SEL1L: variants seen among roughly 807,000 people sequenced by gnomAD.
SEL1L encodes the protein SEL1L adaptor subunit of SYVN1 ubiquitin ligase, also known as protein sel-1 homolog 1.
A neutral mutation model predicts 109.8 loss-of-function variants in SEL1L; 52 were observed. The ratio of observed to expected loss-of-function variants is 0.47; its 90% confidence interval spans 0.38 to 0.60. The LOEUF (loss-of-function observed/expected upper bound fraction) is 0.60, where lower values mean the gene tolerates loss of function less well. Ranked by LOEUF, SEL1L falls within the 20% of genes least tolerant of loss-of-function variation. The probability of loss-of-function intolerance (pLI) is 0.00; values close to 1 mark genes in which losing one functional copy is unlikely to be tolerated. For missense variants in SEL1L, 749 were observed against 962.2 expected (o/e 0.78, Z 2.93); for synonymous variants, 373 against 339.6 (o/e 1.10, Z -1.08).
chr14:81,496,684 G>A (rs946874242), intron 10 of SEL1L, among the ~76,000 whole-genome samples: 2 of 152,114 alleles, frequency 1.3e-5, no homozygotes, highest in East Asian at 1.9e-4. Flanking sequence ...AGGTTGCAGC[G>A]AGCTGAGATA....
At chr14:81,525,886 A>G (rs1257567293) in intron 3 of SEL1L, among the ~76,000 whole-genome samples, 1 of 152,206 alleles carries the variant, frequency 6.6e-6, no homozygotes, top group Admixed American at 6.5e-5. Flanking sequence ...CTACTGATAC[A>G]CCTAAAAAAA....
At chr14:81,521,422 A>C (rs977141011) in intron 3 of SEL1L, among the ~76,000 whole-genome samples, 12 of 152,252 alleles carry the variant, frequency 7.9e-5, no homozygotes, top group African/African-American at 2.9e-4. Context: ...CAATGGCCAA[A>C]AAAGGAAAAT....
At chr14:81,533,215 T>C (rs1159652860) in intron 1 of SEL1L, among the ~76,000 whole-genome samples, 1 of 152,158 alleles carries the variant, frequency 6.6e-6, no homozygotes, top group African/African-American at 2.4e-5. Flanking sequence ...ATCTCAGGTG[T>C]TAAGCAAACT....
intron 6 of SEL1L, among the ~76,000 whole-genome samples, chr14:81,500,975 T>C (rs958692178): frequency 5.9e-5 from 9 of 152,216 alleles, no homozygotes; most frequent in Non-Finnish European, 8.8e-5. Context: ...TGGCAGAGAC[T>C]GGAGTGCTCA....
chr14:81,502,960 G>T, intron 5 of SEL1L, 77 bp from the exon 6 acceptor site: 4 of 1,147,494 alleles, frequency 3.5e-6, no homozygotes, highest in Non-Finnish European at 4.9e-6. Flanking sequence ...CTACTAAAAC[G>T]CAACATAAAT....
rs1007501982 is a variant in SEL1L at position 81,475,241 on chromosome 14, G to T, written c.*1731C>A. On this transcript the variant is annotated 3_prime_UTR_variant, in exon 21 of 21. Coordinates refer to ENST00000336735, the MANE Select transcript of SEL1L (RefSeq NM_005065.6). ...TAAAGCAACATTACACTTAGGGGGG[G>T]TAAGTTTCCTACCTTTCACAGATAC... is the stretch of plus-strand genomic sequence containing the variant. 2 of 152,280 alleles carry T rather than the reference G, an allele frequency of 1.3e-5. No individual in the cohort carries two copies. The highest frequency in any genetic ancestry group is 2.4e-5 in the African/African-American group (1 of 41,412). The allele number at this position is 152,280 out of a possible 1,614,324, so 9.4% of individuals were successfully genotyped here. A position where few individuals can be genotyped will look rare whatever the true frequency, so the allele number is the denominator to read the frequency against.
chr14:81,526,842 G>A lies in SEL1L; in HGVS notation c.231C>T (p.Asp77=). The change falls in exon 3 of 21, where the codon GAC becomes GAT. Residue 77 remains aspartate (D), a synonymous_variant. Transcript: ENST00000336735. ...ELESSIQEEE[D]SLKSQEGESV... ...TTTCCCCCTCTTGGCTCTTGAGGCTGTCTTCCTCTTCTTGAATAGAGGATT... is the reference window on the plus strand; with the variant it reads ...TTTCCCCCTCTTGGCTCTTGAGGCTATCTTCCTCTTCTTGAATAGAGGATT... 1 of 1,603,490 alleles carries A rather than the reference G, an allele frequency of 6.2e-7. No individual in the cohort carries two copies. Among genetic ancestry groups the A allele is most frequent in the Non-Finnish European group, 8.5e-7 (1 of 1,176,564 alleles).
chr14:81,476,634 C>T lies in SEL1L; in HGVS notation c.*338G>A, dbSNP rs1595498555. ...ATGGTTGACATTAAGAACTTATGCA[C>T]ACTGAAATAATGACCAAAAGGATCC... On this transcript the variant is annotated 3_prime_UTR_variant, in exon 21 of 21. Coordinates refer to ENST00000336735, the MANE Select transcript of SEL1L (RefSeq NM_005065.6). 1.3e-5 allele frequency: 3 copies of T among 233,812 alleles called. No individual in the cohort carries two copies. In the East Asian group the frequency reaches 2.4e-4, roughly 19 times the overall value. 14.5% of individuals were successfully genotyped at this position (233,812 alleles called of 1,614,324 possible). A position where few individuals can be genotyped will look rare whatever the true frequency, so the allele number is the denominator to read the frequency against.
intron 20 of SEL1L, among the ~76,000 whole-genome samples, chr14:81,477,626 A>G (rs932046742): frequency 1.1e-4 from 16 of 152,266 alleles, no homozygotes; most frequent in Non-Finnish European, 2.4e-4. Flanking sequence ...CAGCCTGGCC[A>G]ACACGGTGAA....
At chr14:81,511,076 A>G (rs1884458909) in intron 3 of SEL1L, among the ~76,000 whole-genome samples, 1 of 152,244 alleles carries the variant, frequency 6.6e-6, no homozygotes, top group Non-Finnish European at 1.5e-5. Context: ...GAAAATACCA[A>G]TGGTATGTAA....
chr14:81,481,524 G>A (rs1903355316), intron 19 of SEL1L, among the ~76,000 whole-genome samples: 1 of 152,124 alleles, frequency 6.6e-6, no homozygotes, highest in African/African-American at 2.4e-5. Context: ...AACTTCATGT[G>A]ATTCATACAT....
At chr14:81,495,207 A>T (rs1437543983) in intron 10 of SEL1L, 70 bp from the exon 11 acceptor site, 1 of 1,390,100 alleles carries the variant, frequency 7.2e-7, no homozygotes, top group African/African-American at 1.4e-5. Flanking sequence ...CAGACCAACA[A>T]GAAATGATTT....
rs186808232 is a variant in SEL1L, at chr14:81,491,453, A to G, written c.1255-988T>C. Among the ~76,000 whole-genome samples the G allele has an allele frequency of 2.0e-5, 3 of 152,354 alleles. No homozygotes were observed. The East Asian group carries it at 5.8e-4, about 29-fold the overall frequency. ...CAGAGCAAGAACCAAAAGAGGAGGAATGAAACGTTCTTAAATGCTTAACAA... is the reference window on the plus strand; with the variant it reads ...CAGAGCAAGAACCAAAAGAGGAGGAGTGAAACGTTCTTAAATGCTTAACAA... On this transcript the variant is annotated intron_variant, in intron 12 of 20. Coordinates refer to ENST00000336735, the MANE Select transcript of SEL1L (RefSeq NM_005065.6).
intron 3 of SEL1L, among the ~76,000 whole-genome samples, chr14:81,507,360 T>C (rs1884280821): frequency 6.6e-6 from 1 of 152,054 alleles, no homozygotes; most frequent in Admixed American, 6.6e-5. Flanking sequence ...GGGAATGGAA[T>C]GGAAGATGTG....
chr14:81,513,352 T>C (rs1050054060), intron 3 of SEL1L, among the ~76,000 whole-genome samples: 1 of 152,152 alleles, frequency 6.6e-6, no homozygotes, highest in Non-Finnish European at 1.5e-5. Flanking sequence ...TGCTCACTCT[T>C]TGGGTCCGCA....
chr14:81,492,469 A>C lies in SEL1L; in HGVS notation c.1254+11T>G. On this transcript the variant is annotated intron_variant, in intron 12 of 20. Coordinates refer to ENST00000336735, the MANE Select transcript of SEL1L (RefSeq NM_005065.6). ...TGCTATTACATAAAACATTCACAGG[A>C]TGTACAGTACCTTTCCCAAAAAGGC... The C allele has an allele frequency of 6.3e-7, 1 of 1,599,364 alleles. No individual in the cohort carries two copies. Among genetic ancestry groups the C allele is most frequent in the Non-Finnish European group, 8.6e-7 (1 of 1,167,846 alleles).
At chr14:81,526,407 G>A (rs1417948416) in intron 3 of SEL1L, among the ~76,000 whole-genome samples, 1 of 152,064 alleles carries the variant, frequency 6.6e-6, no homozygotes, top group Non-Finnish European at 1.5e-5. Context: ...TTTCTGTTTT[G>A]TATGCTACCC....
At chr14:81,495,240 A>G (rs967842468) in intron 10 of SEL1L, 103 bp from the exon 11 acceptor site, 16 of 1,000,960 alleles carry the variant, frequency 1.6e-5, no homozygotes, top group Non-Finnish European at 2.5e-5. Context: ...GCTTCTGTTC[A>G]TGACTCAAAA....
Position 81,489,142 on chromosome 14 carries a change from CTT to C in SEL1L, c.1395+108_1395+109del, listed in dbSNP as rs1595507335. 13 of 915,590 alleles carry C rather than the reference CTT, an allele frequency of 1.4e-5. No homozygotes were observed. In the East Asian group the frequency reaches 3.1e-4, roughly 22 times the overall value. The allele number at this position is 915,590 out of a possible 1,614,324, so 56.7% of individuals were successfully genotyped here. ...GACAACAGAAAGAGGTTCAGCTTTGCTTACAATGGAACAGCCCCACCTGGGCT... is the reference window on the plus strand; with the variant it reads ...GACAACAGAAAGAGGTTCAGCTTTGCACAATGGAACAGCCCCACCTGGGCT... On this transcript the variant is annotated intron_variant, in intron 14 of 20. Transcript: ENST00000336735.
Sources: allele counts gnomAD v4.1 joint callset (sites outside exome capture counted in the v4.1 genomes callset), GRCh38; gene constraint gnomAD v4.1.1; transcripts MANE v1.5; gene names NCBI Gene and HGNC (gene_info 2026-07-23, HGNC 2026-07-21).